ARSB: variants seen among roughly 807,000 people sequenced by gnomAD.
ARSB encodes the protein arylsulfatase B.
ARSB carries 41 observed loss-of-function variants against 50.9 expected under a neutral mutation model. The ratio of observed to expected loss-of-function variants is 0.81; its 90% confidence interval spans 0.63 to 1.04. ARSB has a LOEUF of 1.04. ARSB is among the 50% of genes least tolerant of loss of function. ARSB has a pLI of 0.00. For missense variants in ARSB, 672 were observed against 693.3 expected (o/e 0.97, Z 0.35); for synonymous variants, 269 against 284.8 (o/e 0.94, Z 0.56).
chr5:78,863,921 T>C (rs1418768938), intron 5 of ARSB, among the ~76,000 whole-genome samples: 3 of 152,210 alleles, frequency 2.0e-5, no homozygotes, highest in South Asian at 4.2e-4. Flanking sequence ...CATGTGAATT[T>C]TTAGATTTTC....
intron 6 of ARSB, among the ~76,000 whole-genome samples, chr5:78,807,436 C>T (rs1382133738): frequency 1.3e-5 from 2 of 152,172 alleles, no homozygotes; most frequent in African/African-American, 2.4e-5. Flanking sequence ...TCTTCTACAA[C>T]CTCAGGAAAG....
In ARSB at chr5:78,784,798, C is replaced by CTT. The variant is rs370754347; in HGVS notation, c.1214-2826_1214-2825dup. Among the ~76,000 whole-genome samples the CTT allele has an allele frequency of 3.0e-3, 375 of 124,824 alleles. 3 individuals carry two copies. Among genetic ancestry groups the CTT allele is most frequent in the South Asian group, 0.01 (40 of 3,872 alleles). The allele number at this position is 124,824 out of a possible 152,430, so 81.9% of individuals were successfully genotyped here. A position where few individuals can be genotyped will look rare whatever the true frequency, so the allele number is the denominator to read the frequency against. ...CTAGTGTTTAATTGATTTTATTAGT[C>CTT]TTTTTTTTTTTTTTTTTTTAGATGG... On this transcript the variant is annotated intron_variant, in intron 6 of 7. Coordinates refer to ENST00000264914, the MANE Select transcript of ARSB (RefSeq NM_000046.5).
chr5:78,803,836 G>A (rs1743476592), intron 6 of ARSB, among the ~76,000 whole-genome samples: 1 of 152,260 alleles, frequency 6.6e-6, no homozygotes, highest in South Asian at 2.1e-4. Context: ...GCTGGGCTAG[G>A]AACTGGTTTT....
intron 5 of ARSB, among the ~76,000 whole-genome samples, chr5:78,853,403 T>C (rs896441551): frequency 1.3e-5 from 2 of 152,202 alleles, no homozygotes; most frequent in African/African-American, 4.8e-5. Flanking sequence ...TGCTGTCTGA[T>C]CATTCCTCTG....
chr5:78,882,274 T>C (rs1298906331), intron 5 of ARSB, among the ~76,000 whole-genome samples: 2 of 152,168 alleles, frequency 1.3e-5, no homozygotes, highest in Non-Finnish European at 2.9e-5. Context: ...TGACCTGCCC[T>C]GGGGAAGAAG....
chr5:78,925,844 C>T (rs1010553487), intron 4 of ARSB, among the ~76,000 whole-genome samples: 2 of 152,104 alleles, frequency 1.3e-5, no homozygotes, highest in Non-Finnish European at 2.9e-5. Flanking sequence ...TTCTAACCTA[C>T]CCCAGAGAAG....
intron 6 of ARSB, among the ~76,000 whole-genome samples, chr5:78,836,389 G>A (rs784588): frequency 0.012 from 1,783 of 152,292 alleles, 18 homozygotes; most frequent in South Asian, 0.034. Context: ...AGTCAGAGCA[G>A]GAGTCCCAAG....
At chr5:78,892,331 C>CT (rs1288112251) in intron 4 of ARSB, among the ~76,000 whole-genome samples, 1 of 144,072 alleles carries the variant, frequency 6.9e-6, no homozygotes, top group African/African-American at 2.6e-5. Flanking sequence ...TCTTGGCTCA[C>CT]TGCAACCTCC....
At chr5:78,806,540 C>A (rs964904748) in intron 6 of ARSB, among the ~76,000 whole-genome samples, 12 of 152,206 alleles carry the variant, frequency 7.9e-5, no homozygotes, top group Non-Finnish European at 1.3e-4. Context: ...GATTTTAAAG[C>A]ATTTGTAGGT....
intron 6 of ARSB, among the ~76,000 whole-genome samples, chr5:78,824,876 AG>A (rs1319006167): frequency 6.6e-6 from 1 of 152,206 alleles, no homozygotes; most frequent in Non-Finnish European, 1.5e-5. Context: ...CTGGTTTAAA[AG>A]CATTTTAACA....
At chr5:78,936,786 C>T (rs1750625900) in intron 4 of ARSB, among the ~76,000 whole-genome samples, 1 of 152,126 alleles carries the variant, frequency 6.6e-6, no homozygotes, top group South Asian at 2.1e-4. Flanking sequence ...GTAATGCATT[C>T]AATAATGTTT....
intron 6 of ARSB, among the ~76,000 whole-genome samples, chr5:78,828,255 G>A (rs185050065): frequency 0.015 from 2,195 of 148,596 alleles, 47 homozygotes; most frequent in African/African-American, 0.054. Flanking sequence ...GAGCTTTTCT[G>A]TATTTTTAAA....
chr5:78,798,266 C>T (rs1743248611), intron 6 of ARSB, among the ~76,000 whole-genome samples: 1 of 151,894 alleles, frequency 6.6e-6, no homozygotes, highest in African/African-American at 2.4e-5. Flanking sequence ...AGATGCTAAT[C>T]GAATACAGAA....
chr5:78,797,729 T>C (rs146705685), intron 6 of ARSB, among the ~76,000 whole-genome samples: 192 of 152,324 alleles, frequency 1.3e-3, no homozygotes, highest in African/African-American at 4.2e-3. Flanking sequence ...GCCCCTAAGA[T>C]AGCTTTATGG....
At chr5:78,854,678 A>C (rs974328311) in intron 5 of ARSB, among the ~76,000 whole-genome samples, 2 of 152,150 alleles carry the variant, frequency 1.3e-5, no homozygotes, top group Non-Finnish European at 2.9e-5. Flanking sequence ...AGCGAGTTTT[A>C]CACTTGTGTG....
chr5:78,874,512 G>C (rs1747396753), intron 5 of ARSB, among the ~76,000 whole-genome samples: 1 of 151,340 alleles, frequency 6.6e-6, no homozygotes, highest in Non-Finnish European at 1.5e-5. Context: ...AAGGGACTAA[G>C]GAATTATATA....
At chr5:78,973,171 C>T (rs1445087436) in intron 1 of ARSB, among the ~76,000 whole-genome samples, 3 of 152,132 alleles carry the variant, frequency 2.0e-5, no homozygotes, top group African/African-American at 7.2e-5. Context: ...AATAAGGGTG[C>T]CCTGATAAAC....
At chr5:78,800,837 G>A (rs182570372) in intron 6 of ARSB, among the ~76,000 whole-genome samples, 36 of 152,290 alleles carry the variant, frequency 2.4e-4, no homozygotes, top group African/African-American at 8.7e-4. Context: ...GTTGGTTGGA[G>A]GGGAGACTTC....
intron 4 of ARSB, among the ~76,000 whole-genome samples, chr5:78,914,617 C>G (rs950452288): frequency 6.6e-6 from 1 of 152,134 alleles, no homozygotes; most frequent in Non-Finnish European, 1.5e-5. Context: ...ATGGAGCAGC[C>G]CAACAAATAC....
Sources: gnomAD v4.1 joint callset for allele counts (sites outside exome capture counted in the v4.1 genomes callset) on GRCh38, gnomAD v4.1.1 for gene constraint, MANE v1.5 for transcripts, NCBI Gene and HGNC (gene_info 2026-07-23, HGNC 2026-07-21) for gene names.